Variants in ELAC1 observed in about 807,000 individuals in gnomAD.
ELAC1 encodes elaC ribonuclease Z 1, also known as zinc phosphodiesterase ELAC protein 1.
ELAC1 carries 19 observed loss-of-function variants against 25.8 expected under a neutral mutation model. That is an observed-to-expected ratio of 0.74 (90% CI 0.51 to 1.08). The LOEUF (loss-of-function observed/expected upper bound fraction) is 1.08. Ranked by LOEUF, ELAC1 falls within the 50% of genes least tolerant of loss-of-function variation. ELAC1 has a pLI of 0.00. For synonymous variants in ELAC1, 148 were observed against 160.9 expected, an observed-to-expected ratio of 0.92 and a Z score of 0.61; for missense variants, 403 against 434.6, an observed-to-expected ratio of 0.93 and a Z score of 0.65.
chr18:50,971,825 G>T, intron 1 of ELAC1, among the ~76,000 whole-genome samples: 1 of 144,808 alleles, frequency 6.9e-6, no homozygotes, highest in Non-Finnish European at 1.5e-5. Context: ...AGGCCATTTG[G>T]ATTTCTTCTG....
rs974838575 is a variant in ELAC1 at position 50,982,141 on chromosome 18, C to T, written c.158-1955C>T. 1.1e-4 allele frequency among the ~76,000 whole-genome samples: 17 copies of T among 152,222 alleles called. 1 individual carries two copies. The highest frequency in any genetic ancestry group is 4.2e-4 in the South Asian group (2 of 4,818). On this transcript the variant is annotated intron_variant, in intron 2 of 3. Transcript: ENST00000269466. ...GATTACAGGCATGAGCCATTGCACC[C>T]GGCCCTATTGCTGTAGTTTTTTTGT... is the stretch of plus-strand genomic sequence containing the variant.
intron 2 of ELAC1, among the ~76,000 whole-genome samples, chr18:50,980,414 AC>A (rs1907913360): frequency 6.6e-6 from 1 of 152,050 alleles, no homozygotes; most frequent in Admixed American, 6.6e-5. Flanking sequence ...CAAAAAAAAC[AC>A]AACCCCAAAA....
chr18:50,983,365 A>G (rs531287379), intron 2 of ELAC1, among the ~76,000 whole-genome samples: 9 of 151,902 alleles, frequency 5.9e-5, no homozygotes, highest in East Asian at 5.8e-4. Flanking sequence ...GGGTTTCTCT[A>G]TGTTGGTCAG....
chr18:50,979,637 AGG>A (rs1907888338), intron 2 of ELAC1, among the ~76,000 whole-genome samples: 3 of 152,218 alleles, frequency 2.0e-5, no homozygotes, highest in African/African-American at 7.2e-5. Flanking sequence ...AGGGGATTGT[AGG>A]ACGTGAACAC....
intron 1 of ELAC1, among the ~76,000 whole-genome samples, chr18:50,971,469 C>T (rs764806765): frequency 6.6e-6 from 1 of 152,166 alleles, no homozygotes; most frequent in Non-Finnish European, 1.5e-5. Context: ...CTCACTGCAG[C>T]CTTAACCTTC....
intron 1 of ELAC1, among the ~76,000 whole-genome samples, chr18:50,972,013 T>A (rs1220218636): frequency 3.4e-5 from 5 of 147,956 alleles, no homozygotes; most frequent in Non-Finnish European, 6.0e-5. Context: ...TTTTTTTTTT[T>A]AGGAGCATTA....
chr18:50,970,244 C>G (rs951117574), intron 1 of ELAC1, among the ~76,000 whole-genome samples: 3 of 152,146 alleles, frequency 2.0e-5, no homozygotes, highest in Non-Finnish European at 2.9e-5. Flanking sequence ...CAGGAGCCAC[C>G]GTACCTGACC....
At chr18:50,975,937 C>A (rs1907789170) in intron 2 of ELAC1, among the ~76,000 whole-genome samples, 1 of 152,092 alleles carries the variant, frequency 6.6e-6, no homozygotes, top group Non-Finnish European at 1.5e-5. Context: ...AGAAGTTTTT[C>A]TGAGAGAGAG....
At chr18:50,976,458 A>G (rs1273675250) in intron 2 of ELAC1, among the ~76,000 whole-genome samples, 2 of 152,164 alleles carry the variant, frequency 1.3e-5, no homozygotes, top group African/African-American at 4.8e-5. Flanking sequence ...CAGGCAAGAA[A>G]GCATATGCAG....
In ELAC1 at chr18:50,978,920, T is replaced by C. The variant is rs140359999; in HGVS notation, c.157+4359T>C. The stretch of plus-strand genomic sequence containing the variant: ...ATTGAACCGTAGTTATATACTGTCT[T>C]GTGTTGAAACTTTGAGATAATTCAG... On this transcript the variant is annotated intron_variant, in intron 2 of 3. Coordinates refer to ENST00000269466, the MANE Select transcript of ELAC1 (RefSeq NM_018696.3). Among the ~76,000 whole-genome samples the C allele has an allele frequency of 2.0e-5, 3 of 152,358 alleles. No homozygotes were observed. In the East Asian group the frequency reaches 5.8e-4, roughly 29 times the overall value.
At chr18:50,984,673 T>C (rs1908053325) in intron 3 of ELAC1, 110 bp downstream of exon 3, 15 of 826,746 alleles carry the variant, frequency 1.8e-5, no homozygotes, top group Non-Finnish European at 2.8e-5. Flanking sequence ...GGCTCACGCC[T>C]GTAATCCTAG....
intron 2 of ELAC1, among the ~76,000 whole-genome samples, chr18:50,983,270 T>G (rs1908009093): frequency 6.7e-6 from 1 of 150,194 alleles, no homozygotes; most frequent in African/African-American, 2.5e-5. Context: ...CAAGTAATTC[T>G]GCTGCCTTAG....
In ELAC1 at chr18:50,987,090, A is replaced by G. The variant is rs1238756974; in HGVS notation, c.*5A>G. The G allele has an allele frequency of 1.3e-6, 2 of 1,511,170 alleles. No homozygotes were observed. Among genetic ancestry groups the G allele is most frequent in the Admixed American group, 2.1e-5 (1 of 46,880 alleles). 93.6% of individuals were successfully genotyped at this position (1,511,170 alleles called of 1,614,324 possible). A position where few individuals can be genotyped will look rare whatever the true frequency, so the allele number is the denominator to read the frequency against. ...AGCATTCCAATCAAGAAATGAAACCAGTGTTCCTGAGTGCACACTGACATG... is the reference window on the plus strand; with the variant it reads ...AGCATTCCAATCAAGAAATGAAACCGGTGTTCCTGAGTGCACACTGACATG... On this transcript the variant is annotated 3_prime_UTR_variant, in exon 4 of 4. Transcript: ENST00000269466.
Position 50,984,404 on chromosome 18 carries a change from A to C in ELAC1, c.466A>C (p.Ile156Leu). The C allele has an allele frequency of 6.2e-7, 1 of 1,614,210 alleles. No homozygotes were observed. Among genetic ancestry groups the C allele is most frequent in the African/African-American group, 1.3e-5 (1 of 75,056 alleles). The change falls in exon 3 of 4, where the codon ATC becomes CTC. Residue 156 changes from isoleucine (I) to leucine (L), a missense_variant. Ile to Leu is a conservative substitution (Grantham distance 5). Transcript: ENST00000269466. ...SPPKEEQGRT[I>L]LLDSEENSYL... ...TCCCAAAGAGGAACAAGGAAGAACT[A>C]TCCTGTTAGACTCAGAAGAAAACTC...
At chr18:50,973,945 T>A (rs1907728161) in intron 1 of ELAC1, among the ~76,000 whole-genome samples, 1 of 152,256 alleles carries the variant, frequency 6.6e-6, no homozygotes, top group Non-Finnish European at 1.5e-5. Flanking sequence ...TCTAGTGGTG[T>A]TTATTCTGTG....
At position 50,987,360 on chromosome 18, in the gene ELAC1, C is replaced by T. The variant is rs1908142057; in HGVS notation, c.*275C>T. The T allele has an allele frequency of 3.6e-6, 1 of 278,486 alleles. No homozygotes were observed. The highest frequency in any genetic ancestry group is 6.7e-6 in the Non-Finnish European group (1 of 149,950). 17.3% of individuals were successfully genotyped at this position (278,486 alleles called of 1,614,324 possible). A position where few individuals can be genotyped will look rare whatever the true frequency, so the allele number is the denominator to read the frequency against. On this transcript the variant is annotated 3_prime_UTR_variant, in exon 4 of 4. Coordinates refer to ENST00000269466, the MANE Select transcript of ELAC1 (RefSeq NM_018696.3). ...TTATACATCTTATTTTGTGCTACTA[C>T]CACAGATAGCCAATATTCCATGCAG...
At chr18:50,985,488 A>G (rs1047491445) in intron 3 of ELAC1, among the ~76,000 whole-genome samples, 4 of 152,372 alleles carry the variant, frequency 2.6e-5, no homozygotes, top group Admixed American at 2.6e-4. Flanking sequence ...CTAAGCCAGC[A>G]TGCATGAGGG....
Position 50,984,452 on chromosome 18 carries a change from C to A in ELAC1, c.514C>A (p.Gln172Lys). The A allele has an allele frequency of 6.2e-7, 1 of 1,613,208 alleles. No individual in the cohort carries two copies. Among genetic ancestry groups the A allele is most frequent in the Middle Eastern group, 1.7e-4 (1 of 6,056 alleles). Residue 172 changes from glutamine (Q) to lysine (K), a missense_variant, in exon 3 of 4, where the codon CAA becomes AAA. Gln to Lys is a moderately conservative substitution (Grantham distance 53). Transcript: ENST00000269466. ...ENSYLLFDDE[Q>K]FVVKAFRLFH... is the part of the protein sequence containing the mutation. ...CTCATACCTTCTGTTTGATGATGAA[C>A]AATTTGTTGTAAAAGCATTTCGCCT...
intron 1 of ELAC1, 35 bp from the exon 2 acceptor site, chr18:50,974,362 T>G: frequency 6.7e-7 from 1 of 1,497,736 alleles, no homozygotes; most frequent in Non-Finnish European, 8.9e-7. Flanking sequence ...GGTACAGTGA[T>G]ATGAAATAAT....
Sources: gnomAD v4.1 joint callset for allele counts (sites outside exome capture counted in the v4.1 genomes callset) on GRCh38, gnomAD v4.1.1 for gene constraint, MANE v1.5 for transcripts, NCBI Gene and HGNC (gene_info 2026-07-23, HGNC 2026-07-21) for gene names.